Variants in PTPRD observed in about 807,000 individuals in gnomAD.
PTPRD encodes protein tyrosine phosphatase receptor type D.
PTPRD carries 34 observed loss-of-function variants against 214.5 expected under a neutral mutation model. That is an observed-to-expected ratio of 0.16 (90% CI 0.12 to 0.21). The LOEUF is 0.21. Ranked by LOEUF, PTPRD falls within the 10% of genes least tolerant of loss-of-function variation. The pLI, the probability that PTPRD is intolerant of heterozygous loss-of-function variation, is 1.00. For missense variants in PTPRD, 2,545 were observed against 2,398.7 expected, an observed-to-expected ratio of 1.06 and a Z score of -1.27; for synonymous variants, 1,128 against 845.7, an observed-to-expected ratio of 1.33 and a Z score of -5.79.
intron 2 of PTPRD, among the ~76,000 whole-genome samples, chr9:10,605,450 T>A (rs1336942008): frequency 6.6e-6 from 1 of 151,902 alleles, no homozygotes; most frequent in Non-Finnish European, 1.5e-5. Context: ...TTACTGCCTT[T>A]CTAGAACTTT....
intron 8 of PTPRD, among the ~76,000 whole-genome samples, chr9:9,556,960 G>C (rs1041086927): frequency 2.6e-5 from 4 of 152,146 alleles, no homozygotes; most frequent in Non-Finnish European, 5.9e-5. Flanking sequence ...GGACATGGTG[G>C]TTCTGTTTGT....
At chr9:10,290,187 AT>A (rs1234110092) in intron 3 of PTPRD, among the ~76,000 whole-genome samples, 2 of 152,160 alleles carry the variant, frequency 1.3e-5, no homozygotes, top group Non-Finnish European at 2.9e-5. Flanking sequence ...CACAAACTGC[AT>A]ATCAGAAGGT....
chr9:10,143,047 T>G (rs937705034), intron 3 of PTPRD, among the ~76,000 whole-genome samples: 1 of 152,060 alleles, frequency 6.6e-6, no homozygotes, highest in African/African-American at 2.4e-5. Context: ...CACCGCATAT[T>G]GTCACTCATA....
At chr9:9,122,954 G>T (rs1373806) in intron 10 of PTPRD, among the ~76,000 whole-genome samples, 51,218 of 152,046 alleles carry the variant, frequency 0.34, 9,304 homozygotes, top group East Asian at 0.54. Flanking sequence ...AATAGAGTTT[G>T]TGACATGGGG....
intron 7 of PTPRD, among the ~76,000 whole-genome samples, chr9:9,691,553 T>C (rs1228342181): frequency 6.6e-6 from 1 of 152,024 alleles, no homozygotes; most frequent in East Asian, 1.9e-4. Context: ...TAAGTTGCTT[T>C]TACATTTTGG....
chr9:8,427,126 C>T (rs976638684), intron 35 of PTPRD, among the ~76,000 whole-genome samples: 33 of 152,016 alleles, frequency 2.2e-4, no homozygotes, highest in African/African-American at 6.5e-4. Context: ...CTCAGATGGC[C>T]GACTGGTAGG....
At chr9:9,129,979 G>A (rs555589821) in intron 10 of PTPRD, among the ~76,000 whole-genome samples, 3 of 152,214 alleles carry the variant, frequency 2.0e-5, no homozygotes, top group African/African-American at 4.8e-5. Context: ...CTGAGGGTAT[G>A]AGTTAAGATA....
At chr9:9,241,360 T>A (rs1164894363) in intron 9 of PTPRD, among the ~76,000 whole-genome samples, 1 of 152,206 alleles carries the variant, frequency 6.6e-6, no homozygotes, top group Non-Finnish European at 1.5e-5. Context: ...TTTATGGCAA[T>A]GTAGTTATTC....
intron 3 of PTPRD, among the ~76,000 whole-genome samples, chr9:10,126,946 CTT>C (rs34691762): frequency 0.12 from 15,276 of 130,432 alleles, 926 homozygotes; most frequent in South Asian, 0.27. Context: ...CTCAAATGGA[CTT>C]TTTTTTTTTT....
At chr9:8,861,309 T>A (rs538505529) in intron 11 of PTPRD, 8 of 152,358 alleles carry the variant, frequency 5.3e-5, no homozygotes, top group African/African-American at 2.4e-5. Flanking sequence ...CACCTGTTTT[T>A]GAAAAGGCAC....
At chr9:8,717,586 C>T (rs2098450594) in intron 12 of PTPRD, among the ~76,000 whole-genome samples, 1 of 152,180 alleles carries the variant, frequency 6.6e-6, no homozygotes, top group African/African-American at 2.4e-5. Flanking sequence ...CAGTTTAAAA[C>T]TTTCACTGGG....
At chr9:9,237,590 A>G (rs2099967639) in intron 9 of PTPRD, among the ~76,000 whole-genome samples, 1 of 152,160 alleles carries the variant, frequency 6.6e-6, no homozygotes. Context: ...AAAGCCAGGA[A>G]TATTTGCTGT....
In PTPRD at chr9:9,024,264, G is replaced by A. The variant is rs565315906; in HGVS notation, c.-142-5529C>T. ...CTACAATTTGTTTAGTTAGTGCATA[G>A]TTATTTTAAATTTTAATTTTATGGA... On this transcript the variant is annotated intron_variant, in intron 10 of 45. Coordinates refer to ENST00000381196, the MANE Select transcript of PTPRD (RefSeq NM_002839.4). 4.7e-5 allele frequency among the ~76,000 whole-genome samples: 7 copies of A among 150,186 alleles called. No individual in the cohort carries two copies. In the East Asian group the frequency reaches 1.4e-3, roughly 29 times the overall value.
intron 11 of PTPRD, among the ~76,000 whole-genome samples, chr9:9,001,890 A>T (rs557934312): frequency 4.7e-5 from 7 of 148,620 alleles, no homozygotes; most frequent in Non-Finnish European, 1.0e-4. Flanking sequence ...TTCTTTCAGA[A>T]TTGTTCTCAT....
chr9:8,348,303 TG>T (rs2074431979), intron 39 of PTPRD, among the ~76,000 whole-genome samples: 1 of 152,174 alleles, frequency 6.6e-6, no homozygotes, highest in African/African-American at 2.4e-5. Context: ...ATCTATTGGT[TG>T]GCTGGAATAT....
In PTPRD at chr9:9,541,910, T is replaced by C. The variant is rs1591166896; in HGVS notation, c.-237+32822A>G. On this transcript the variant is annotated intron_variant, in intron 8 of 45. Coordinates refer to ENST00000381196, the MANE Select transcript of PTPRD (RefSeq NM_002839.4). ...AGAGAGGTATCTAAAAGAAGAAAAG[T>C]CTAAGATAATGACTCAAGATTCTAG... Among the ~76,000 whole-genome samples the C allele has an allele frequency of 2.0e-5, 3 of 151,588 alleles. No homozygotes were observed. The East Asian group carries it at 5.9e-4, about 30-fold the overall frequency.
chr9:9,504,408 T>C (rs1242285620), intron 8 of PTPRD, among the ~76,000 whole-genome samples: 1 of 151,630 alleles, frequency 6.6e-6, no homozygotes, highest in African/African-American at 2.4e-5. Flanking sequence ...GGCCGCAAAT[T>C]ATACAACCCT....
chr9:10,566,240 T>G (rs1056135192), intron 2 of PTPRD, among the ~76,000 whole-genome samples: 3 of 152,034 alleles, frequency 2.0e-5, no homozygotes, highest in Admixed American at 2.0e-4. Context: ...TATATTCATA[T>G]ATGTATATTT....
chr9:9,400,092 G>T (rs1173859834), intron 8 of PTPRD, among the ~76,000 whole-genome samples: 2 of 101,082 alleles, frequency 2.0e-5, no homozygotes, highest in Non-Finnish European at 3.9e-5. Context: ...TTACCTACTA[G>T]TTTTTTTTTT....
Sources: allele counts gnomAD v4.1 joint callset (sites outside exome capture counted in the v4.1 genomes callset), GRCh38; gene constraint gnomAD v4.1.1; transcripts MANE v1.5; gene names NCBI Gene and HGNC (gene_info 2026-07-23, HGNC 2026-07-21).